The following LCOR variants were observed in gnomAD, a reference collection of about 807,000 sequenced individuals.
The protein encoded by LCOR is ligand dependent nuclear receptor corepressor.
A neutral mutation model predicts 64.4 loss-of-function variants in LCOR; 14 were observed. The ratio of observed to expected loss-of-function variants is 0.22; its 90% CI spans 0.14 to 0.34. LCOR has a LOEUF of 0.34. LCOR is among the 10% of genes least tolerant of loss of function. The pLI is 1.00. For synonymous variants in LCOR, 643 were observed against 642.5 expected, an observed-to-expected ratio of 1.00 and a Z score of -0.01; for missense variants, 1,686 against 1,765.3, an observed-to-expected ratio of 0.96 and a Z score of 0.80.
In LCOR at chr10:96,852,484, G is replaced by A. The variant is rs572519175; in HGVS notation, c.-330+19005G>A. Among the ~76,000 whole-genome samples, 7 of 152,304 alleles carry A rather than the reference G, an allele frequency of 4.6e-5. No homozygotes were observed. The South Asian group carries it at 1.2e-3, about 27-fold the overall frequency. On this transcript the variant is annotated intron_variant, in intron 2 of 7. Transcript: ENST00000421806. ...TATGTGTATAAGGCACATATGAAAC[G>A]TAAATGAATCTTGTGTTTAGACTTG...
chr10:96,949,531 A>G (rs1207199280), intron 6 of LCOR, among the ~76,000 whole-genome samples: 3 of 152,218 alleles, frequency 2.0e-5, no homozygotes, highest in Non-Finnish European at 4.4e-5. Context: ...CAGGTGGTTA[A>G]CAGTTGTCAC....
chr10:96,942,229 T>C (rs1244725060), intron 4 of LCOR, among the ~76,000 whole-genome samples: 136 of 149,852 alleles, frequency 9.1e-4, no homozygotes, highest in African/African-American at 3.1e-3. Flanking sequence ...CACTCGCGGT[T>C]AGGAGCTGGA....
intron 7 of LCOR, among the ~76,000 whole-genome samples, chr10:96,969,304 C>A (rs1210389481): frequency 6.6e-6 from 1 of 152,182 alleles, no homozygotes; most frequent in Admixed American, 6.5e-5. Flanking sequence ...CCTAAAAATA[C>A]TGGAATTGTG....
rs1057475300 is a variant in LCOR at position 96,871,952 on chromosome 10, G to C, written c.-329-35313G>C. ...TTTCATAGAGTCAAGATAGAATCACGGTCTTCAGTTCATCTTCTCCCCAGG... is the reference window on the plus strand; with the variant it reads ...TTTCATAGAGTCAAGATAGAATCACCGTCTTCAGTTCATCTTCTCCCCAGG... On this transcript the variant is annotated intron_variant, in intron 2 of 7. Coordinates refer to ENST00000421806, the MANE Select transcript of LCOR (RefSeq NM_001346516.2). Among the ~76,000 whole-genome samples, 3 of 152,216 alleles carry C rather than the reference G, an allele frequency of 2.0e-5. No homozygotes were observed. The East Asian group carries it at 5.8e-4, about 29-fold the overall frequency.
Position 96,990,423 on chromosome 10 carries a change from A to AGGT in LCOR, c.*5290_*5292dup, listed in dbSNP as rs1250916117. 6.6e-6 allele frequency: 1 copy of AGGT among 151,796 alleles called. No homozygotes were observed. The highest frequency in any genetic ancestry group is 1.5e-5 in the Non-Finnish European group (1 of 68,032). The allele number at this position is 151,796 out of a possible 1,614,324, so 9.4% of individuals were successfully genotyped here. On this transcript the variant is annotated 3_prime_UTR_variant, in exon 8 of 8. Transcript: ENST00000421806. ...TTTTTTTCCAGTTTTAGCAGAAATG[A>AGGT]GGTCTCACTGTGTTGCCCAGACTGG...
intron 4 of LCOR, among the ~76,000 whole-genome samples, chr10:96,925,790 G>A (rs1036611066): frequency 2.0e-5 from 3 of 152,178 alleles, no homozygotes; most frequent in African/African-American, 7.2e-5. Context: ...TTTAGTATCA[G>A]TGATAGTTTC....
chr10:96,949,105 T>C lies in LCOR; in HGVS notation c.48T>C (p.Asn16=). Residue 16 remains asparagine (N), a synonymous_variant, in exon 6 of 8, where the codon AAT becomes AAC. Coordinates refer to ENST00000421806, the MANE Select transcript of LCOR (RefSeq NM_001346516.2). ...TTGCTGCTGAATATACCTCAAAAAA[T>C]AGCTCTACTCAGGACCCCAGCCAGC... is the stretch of plus-strand genomic sequence containing the variant. ...QQFAAEYTSK[N]SSTQDPSQPN... 6.2e-7 allele frequency: 1 copy of C among 1,613,926 alleles called. No homozygotes were observed. Among genetic ancestry groups the C allele is most frequent in the South Asian group, 1.1e-5 (1 of 91,078 alleles).
intron 2 of LCOR, among the ~76,000 whole-genome samples, chr10:96,886,545 A>G (rs1846347711): frequency 6.6e-6 from 1 of 152,344 alleles, no homozygotes; most frequent in South Asian, 2.1e-4. Flanking sequence ...TTTTAGCTGT[A>G]CTGACATTCT....
intron 4 of LCOR, among the ~76,000 whole-genome samples, chr10:96,938,991 C>T (rs191766634): frequency 2.6e-5 from 4 of 152,278 alleles, no homozygotes; most frequent in Admixed American, 2.6e-4. Context: ...GACTTATTTG[C>T]AGAGATTCAC....
chr10:96,938,504 C>A (rs1847391527), intron 4 of LCOR, among the ~76,000 whole-genome samples: 1 of 151,858 alleles, frequency 6.6e-6, no homozygotes, highest in East Asian at 1.9e-4. Context: ...TCACCATGTA[C>A]ATCCACCGTT....
At chr10:96,922,692 G>A (rs1381794198) in intron 4 of LCOR, among the ~76,000 whole-genome samples, 7 of 152,072 alleles carry the variant, frequency 4.6e-5, no homozygotes, top group Non-Finnish European at 8.8e-5. Context: ...TGCTTTTTTC[G>A]TTTAATGTTG....
intron 7 of LCOR, chr10:96,960,051 A>G (rs1847854540): frequency 6.6e-6 from 1 of 152,226 alleles, no homozygotes; most frequent in South Asian, 2.1e-4. Flanking sequence ...TGGTAAAACT[A>G]TAAAAGGCAC....
intron 7 of LCOR, chr10:96,956,896 T>C (rs61858089): frequency 0.011 from 10,562 of 985,110 alleles, 78 homozygotes; most frequent in Non-Finnish European, 0.012. Context: ...CAAGATCTCT[T>C]TATTGGGGAT....
At chr10:96,920,751 T>TACACACACACACACAC (rs55839435) in intron 4 of LCOR, among the ~76,000 whole-genome samples, 21 of 118,864 alleles carry the variant, frequency 1.8e-4, no homozygotes, top group Middle Eastern at 8.1e-3. Flanking sequence ...TATATATGTA[T>TACACACACACACACAC]ACACACACAC....
At chr10:96,891,945 T>C (rs1846452969) in intron 2 of LCOR, among the ~76,000 whole-genome samples, 1 of 152,192 alleles carries the variant, frequency 6.6e-6, no homozygotes, top group African/African-American at 2.4e-5. Context: ...CTTCATTGCA[T>C]TGTGGTTGGA....
intron 7 of LCOR, among the ~76,000 whole-genome samples, chr10:96,968,347 A>AATT (rs1564642693): frequency 1.3e-5 from 2 of 152,198 alleles, no homozygotes; most frequent in Non-Finnish European, 2.9e-5. Flanking sequence ...CTCAAGCTAG[A>AATT]ATTAGAATTA....
Position 96,981,881 on chromosome 10 carries a change from A to T in LCOR, c.1421A>T (p.Tyr474Phe), listed in dbSNP as rs200068242. ...NDYDNQCDVV[Y>F]ISQPITECHF... ...TATGATAACCAGTGTGATGTTGTTT[A>T]TATCAGTCAACCAATAACAGAATGC... Residue 474 changes from tyrosine (Y) to phenylalanine (F), a missense_variant, in exon 8 of 8, where the codon TAT becomes TTT. This residue lies in a region of LCOR where 1,293 missense variants were observed against 1,410.4 expected (regional missense o/e 0.92). Coordinates refer to ENST00000421806, the MANE Select transcript of LCOR (RefSeq NM_001346516.2). 8 of 1,614,110 alleles carry T rather than the reference A, an allele frequency of 5.0e-6. No homozygotes were observed. Among genetic ancestry groups the T allele is most frequent in the Non-Finnish European group, 6.8e-6 (8 of 1,180,042 alleles).
rs961552557 is a variant in LCOR, at chr10:96,928,486, A to G, written c.-183-15627A>G. 7.2e-5 allele frequency among the ~76,000 whole-genome samples: 11 copies of G among 152,312 alleles called. No individual in the cohort carries two copies. In the East Asian group the frequency reaches 1.9e-3, roughly 27 times the overall value. On this transcript the variant is annotated intron_variant, in intron 4 of 7. Coordinates refer to ENST00000421806, the MANE Select transcript of LCOR (RefSeq NM_001346516.2). ...CAAGTTTTGTCACGAGATTGCAGCAATTAAGTTACATCTTAAGGCTCCACT... is the reference window on the plus strand; with the variant it reads ...CAAGTTTTGTCACGAGATTGCAGCAGTTAAGTTACATCTTAAGGCTCCACT...
intron 4 of LCOR, among the ~76,000 whole-genome samples, chr10:96,939,104 CAA>C (rs1022798908): frequency 6.6e-6 from 1 of 152,162 alleles, no homozygotes; most frequent in Non-Finnish European, 1.5e-5. Flanking sequence ...TTACCAATTT[CAA>C]AACTTACTAC....
Sources: gnomAD v4.1 joint callset for allele counts (sites outside exome capture counted in the v4.1 genomes callset) on GRCh38, gnomAD v4.1.1 for gene constraint, gnomAD v4.1.1 regional missense constraint, MANE v1.5 for transcripts, NCBI Gene and HGNC (gene_info 2026-07-23, HGNC 2026-07-21) for gene names.